The following NEXMIF variants were observed in gnomAD, a reference collection of about 807,000 sequenced individuals.
NEXMIF encodes XLMR protein related to neurite extension.
NEXMIF carries 8 observed loss-of-function variants against 62.1 expected under a neutral mutation model. That is an observed-to-expected ratio of 0.13 (90% CI 0.08 to 0.23). The LOEUF (loss-of-function observed/expected upper bound fraction) is 0.23, where lower values mean the gene tolerates loss of function less well. Among genes scored for constraint, NEXMIF ranks in the 10% least tolerant of loss-of-function variants. The pLI, the probability that NEXMIF is intolerant of heterozygous loss-of-function variation, is 1.00. For synonymous variants in NEXMIF, 404 were observed against 416.6 expected (o/e 0.97, Z 0.37); for missense variants, 976 against 1,113.3 (o/e 0.88, Z 1.75).
intron 1 of NEXMIF, among the ~76,000 whole-genome samples, chrX:74,795,969 A>G (rs976927780): frequency 2.9e-5 from 3 of 102,833 alleles, no homozygotes; most frequent in Non-Finnish European, 5.9e-5. Flanking sequence ...AAGTAAGTAA[A>G]TGGATGGTGG....
intron 1 of NEXMIF, among the ~76,000 whole-genome samples, chrX:74,857,868 C>A (rs2080541058): frequency 8.9e-6 from 1 of 112,071 alleles, no homozygotes; most frequent in African/African-American, 3.2e-5. Flanking sequence ...TGGCAGTAGC[C>A]TGGCAGAACT....
chrX:74,868,796 T>C (rs922766079), intron 1 of NEXMIF, among the ~76,000 whole-genome samples: 2 of 110,522 alleles, frequency 1.8e-5, no homozygotes, highest in African/African-American at 6.6e-5. Flanking sequence ...TAAAATTAAA[T>C]TAAAATTAGA....
At position 74,739,435 on chromosome X, in the gene NEXMIF, T is replaced by C; in HGVS notation, c.4521A>G (p.Glu1507=). 1 of 1,199,335 alleles carries C rather than the reference T, an allele frequency of 8.3e-7. No individual in the cohort carries two copies. Among genetic ancestry groups the C allele is most frequent in the Non-Finnish European group, 1.1e-6 (1 of 890,591 alleles). ...TGTCTTTCTGGAAAATGCGAGTCTC[T>C]TCTTCAAACACAGGTAAAACCCAAA... ...TTFWVLPVFE[E]ETRIFQKDI The change falls in exon 4 of 4, where the codon GAA becomes GAG. Residue 1507 remains glutamate (E), a synonymous_variant. Transcript: ENST00000055682.
rs1480847119 is a variant in NEXMIF, at chrX:74,775,754, A to C, written c.-47-30057T>G. Among the ~76,000 whole-genome samples, 8 of 111,326 alleles carry C rather than the reference A, an allele frequency of 7.2e-5. No homozygotes were observed. The Admixed American group carries it at 7.6e-4, about 11-fold the overall frequency. ...CGACAGCTCTACCTACTGACACTAA[A>C]ATCTGTGCAGTCACCCAAATTGTTG... On this transcript the variant is annotated intron_variant, in intron 1 of 3. Transcript: ENST00000055682.
At chrX:74,904,682 G>A (rs1436085035) in intron 1 of NEXMIF, among the ~76,000 whole-genome samples, 1 of 111,108 alleles carries the variant, frequency 9.0e-6, no homozygotes, top group Non-Finnish European at 1.9e-5. Flanking sequence ...AAAAATTGCA[G>A]TTCTAGGTTT....
intron 1 of NEXMIF, among the ~76,000 whole-genome samples, chrX:74,820,150 A>G (rs2080390018): frequency 9.1e-6 from 1 of 110,098 alleles, no homozygotes; most frequent in African/African-American, 3.3e-5. Flanking sequence ...GATCACTTGG[A>G]CACAGGGTGG....
At position 74,924,029 on chromosome X, in the gene NEXMIF, C is replaced by T. The variant is rs764312291; in HGVS notation, c.-48+854G>A. On this transcript the variant is annotated intron_variant, in intron 1 of 3. Coordinates refer to ENST00000055682, the MANE Select transcript of NEXMIF (RefSeq NM_001008537.3). Reference sequence around the variant, plus strand: ...GACAGAAAACCTTGCGCGGGTGATTCGGTCCCTCACGAATCAGACAGACAG... The same window carrying T: ...GACAGAAAACCTTGCGCGGGTGATTTGGTCCCTCACGAATCAGACAGACAG... Among the ~76,000 whole-genome samples, 3 of 111,843 alleles carry T rather than the reference C, an allele frequency of 2.7e-5. No homozygotes were observed. The South Asian group carries it at 1.1e-3, about 42-fold the overall frequency.
chrX:74,821,499 T>C (rs746254841), intron 1 of NEXMIF, among the ~76,000 whole-genome samples: 1 of 112,034 alleles, frequency 8.9e-6, no homozygotes, highest in Non-Finnish European at 1.9e-5. Context: ...GATATTTCTT[T>C]AGCACTATCA....
At chrX:74,916,497 C>T (rs975066539) in intron 1 of NEXMIF, among the ~76,000 whole-genome samples, 4 of 111,102 alleles carry the variant, frequency 3.6e-5, no homozygotes, top group Admixed American at 1.9e-4. Context: ...TGGGTTATCA[C>T]GGGAGTGGGA....
At chrX:74,747,803 A>G in intron 1 of NEXMIF, among the ~76,000 whole-genome samples, 1 of 111,246 alleles carries the variant, frequency 9.0e-6, no homozygotes, top group South Asian at 3.8e-4. Context: ...TTTAGTAGAG[A>G]TGGGATTTCG....
intron 1 of NEXMIF, among the ~76,000 whole-genome samples, chrX:74,792,867 G>A (rs1380047735): frequency 2.0e-5 from 2 of 99,549 alleles, no homozygotes; most frequent in African/African-American, 7.4e-5. Context: ...GCCTATGTGT[G>A]TCTCTGCACG....
chrX:74,818,807 CTT>C (rs1388740175), intron 1 of NEXMIF, among the ~76,000 whole-genome samples: 1 of 112,022 alleles, frequency 8.9e-6, no homozygotes, highest in Non-Finnish European at 1.9e-5. Context: ...TGAAGAGACA[CTT>C]TTCAAAACAA....
chrX:74,748,412 T>A (rs769628867), intron 1 of NEXMIF, among the ~76,000 whole-genome samples: 18 of 112,063 alleles, frequency 1.6e-4, no homozygotes, highest in African/African-American at 5.8e-4. Flanking sequence ...CTTGGCTGCT[T>A]ATAAAAATAA....
intron 1 of NEXMIF, among the ~76,000 whole-genome samples, chrX:74,813,307 A>G (rs1318252646): frequency 9.0e-6 from 1 of 111,533 alleles, no homozygotes; most frequent in Non-Finnish European, 1.9e-5. Flanking sequence ...GCTACACACA[A>G]AAAAGATATA....
intron 1 of NEXMIF, among the ~76,000 whole-genome samples, chrX:74,873,069 C>T (rs1367505944): frequency 3.7e-5 from 4 of 108,734 alleles, no homozygotes; most frequent in African/African-American, 1.3e-4. Context: ...ATACATGTGC[C>T]ATGCTGGTGC....
intron 1 of NEXMIF, among the ~76,000 whole-genome samples, chrX:74,859,973 A>T (rs1306640223): frequency 9.0e-6 from 1 of 111,388 alleles, no homozygotes; most frequent in Non-Finnish European, 1.9e-5. Context: ...GGAAAGAAGG[A>T]AGAAAGAGAA....
chrX:74,909,773 T>C (rs1243310074), intron 1 of NEXMIF, among the ~76,000 whole-genome samples: 2 of 111,791 alleles, frequency 1.8e-5, no homozygotes, highest in Non-Finnish European at 3.8e-5. Flanking sequence ...CTCCATGCTG[T>C]GTGCAGCCTA....
At chrX:74,903,322 G>GCACACACACA (rs1193979541) in intron 1 of NEXMIF, among the ~76,000 whole-genome samples, 1 of 37,494 alleles carries the variant, frequency 2.7e-5, no homozygotes, top group South Asian at 1.9e-3. Context: ...TGATTCTCAG[G>GCACACACACA]CATACACACA....
chrX:74,897,682 G>A (rs922341378), intron 1 of NEXMIF, among the ~76,000 whole-genome samples: 5 of 111,598 alleles, frequency 4.5e-5, no homozygotes, highest in African/African-American at 1.6e-4. Context: ...TTAGTCTGGA[G>A]AACACTAGAG....
Sources: allele counts gnomAD v4.1 joint callset (sites outside exome capture counted in the v4.1 genomes callset), GRCh38; gene constraint gnomAD v4.1.1; transcripts MANE v1.5; gene names NCBI Gene and HGNC (gene_info 2026-07-23, HGNC 2026-07-21).